FBXL7: variants seen among roughly 807,000 people sequenced by gnomAD.
FBXL7 encodes F-box and leucine rich repeat protein 7, also known as F-box/LRR-repeat protein 7.
A neutral mutation model predicts 38.3 loss-of-function variants in FBXL7; 12 were observed. That is an observed-to-expected ratio of 0.31 (90% confidence interval 0.20 to 0.51). FBXL7 has a LOEUF of 0.51. Among genes scored for constraint, FBXL7 ranks in the 20% least tolerant of loss-of-function variants. The pLI is 0.98. For missense variants in FBXL7, 567 were observed against 676.4 expected, an observed-to-expected ratio of 0.84 and a Z score of 1.79; for synonymous variants, 297 against 300.9, an observed-to-expected ratio of 0.99 and a Z score of 0.13.
chr5:15,851,654 C>G (rs1171139611), intron 2 of FBXL7, among the ~76,000 whole-genome samples: 2 of 152,184 alleles, frequency 1.3e-5, no homozygotes, highest in African/African-American at 4.8e-5. Context: ...TTCCATGTCT[C>G]TTTGCATTAT....
At chr5:15,675,368 ATAAACT>A (rs756963955) in intron 2 of FBXL7, among the ~76,000 whole-genome samples, 1 of 152,230 alleles carries the variant, frequency 6.6e-6, no homozygotes, top group Non-Finnish European at 1.5e-5. Context: ...TTACTGTCTG[ATAAACT>A]TTAACAAATA....
At chr5:15,694,113 CTGTGGGGTCG>C (rs1743261331) in intron 2 of FBXL7, among the ~76,000 whole-genome samples, 1 of 152,174 alleles carries the variant, frequency 6.6e-6, no homozygotes. Context: ...CTAGACGCTG[CTGTGGGGTCG>C]GAGCCCGTAC....
At chr5:15,554,375 CT>C (rs1299852322) in intron 1 of FBXL7, among the ~76,000 whole-genome samples, 1 of 152,156 alleles carries the variant, frequency 6.6e-6, no homozygotes, top group Admixed American at 6.5e-5. Context: ...AAAACTTGTG[CT>C]TCGATTTAGA....
At chr5:15,825,706 T>C (rs1738292448) in intron 2 of FBXL7, among the ~76,000 whole-genome samples, 1 of 152,232 alleles carries the variant, frequency 6.6e-6, no homozygotes, top group African/African-American at 2.4e-5. Context: ...GGCATTGTCA[T>C]CTGTTCCCTG....
At chr5:15,872,913 G>C (rs1740029801) in intron 2 of FBXL7, among the ~76,000 whole-genome samples, 1 of 151,860 alleles carries the variant, frequency 6.6e-6, no homozygotes. Flanking sequence ...CTTGAACTCA[G>C]CTCTGGACCA....
chr5:15,819,253 TCA>T (rs1738104689), intron 2 of FBXL7, among the ~76,000 whole-genome samples: 4 of 152,142 alleles, frequency 2.6e-5, no homozygotes, highest in African/African-American at 9.7e-5. Context: ...TCATTTGCTC[TCA>T]GGGATCCTGT....
chr5:15,922,887 C>T (rs1325116118), intron 2 of FBXL7, among the ~76,000 whole-genome samples: 9 of 152,116 alleles, frequency 5.9e-5, no homozygotes, highest in Non-Finnish European at 1.2e-4. Flanking sequence ...TATCATCTTA[C>T]TACTAAGATA....
chr5:15,804,481 A>G (rs753953887), intron 2 of FBXL7, among the ~76,000 whole-genome samples: 19 of 152,286 alleles, frequency 1.2e-4, no homozygotes, highest in Non-Finnish European at 2.4e-4. Context: ...AAATAAATAA[A>G]TAAATAATGA....
At chr5:15,653,704 T>G (rs114984490) in intron 2 of FBXL7, among the ~76,000 whole-genome samples, 47 of 152,308 alleles carry the variant, frequency 3.1e-4, no homozygotes, top group African/African-American at 1.0e-3. Flanking sequence ...TAAAAGAGAA[T>G]GATAAAATGT....
At chr5:15,730,150 A>T (rs566544897) in intron 2 of FBXL7, among the ~76,000 whole-genome samples, 1 of 151,762 alleles carries the variant, frequency 6.6e-6, no homozygotes, top group Admixed American at 6.6e-5. Flanking sequence ...ATGTAGAAGG[A>T]TAATAAATTT....
chr5:15,836,955 A>T lies in FBXL7; in HGVS notation c.128-90935A>T, dbSNP rs568642850. On this transcript the variant is annotated intron_variant, in intron 2 of 3. Coordinates refer to ENST00000504595, the MANE Select transcript of FBXL7 (RefSeq NM_012304.5). ...AGCTGTTGGCATCTTCTGCTACTTC[A>T]CTTATAAGTAAGCAGTGAAGCATCC... Among the ~76,000 whole-genome samples, 8 of 152,230 alleles carry T rather than the reference A, an allele frequency of 5.3e-5. No individual in the cohort carries two copies. In the South Asian group the frequency reaches 1.7e-3, roughly 32 times the overall value.
chr5:15,579,956 G>C (rs1416782564), intron 1 of FBXL7, among the ~76,000 whole-genome samples: 4 of 152,174 alleles, frequency 2.6e-5, no homozygotes, highest in Admixed American at 2.0e-4. Context: ...TTTTATGACA[G>C]CCTGGGAGGT....
chr5:15,649,350 T>A (rs997143544), intron 2 of FBXL7, among the ~76,000 whole-genome samples: 2 of 152,196 alleles, frequency 1.3e-5, no homozygotes, highest in African/African-American at 4.8e-5. Flanking sequence ...GGAAATCTAA[T>A]ATGCCTTCCT....
chr5:15,939,211 G>T lies in FBXL7; in HGVS notation c.*2025G>T. On this transcript the variant is annotated 3_prime_UTR_variant, in exon 4 of 4. Coordinates refer to ENST00000504595, the MANE Select transcript of FBXL7 (RefSeq NM_012304.5). ...TGCCATGGGGGAAATGAATCATTTAGCTAGGCCAGGATCTAGTGAAAGCCA... is the reference window on the plus strand; with the variant it reads ...TGCCATGGGGGAAATGAATCATTTATCTAGGCCAGGATCTAGTGAAAGCCA... 5.0e-6 allele frequency: 2 copies of T among 396,236 alleles called. No individual in the cohort carries two copies. The highest frequency in any genetic ancestry group is 8.9e-6 in the Non-Finnish European group (2 of 224,788). The allele number at this position is 396,236 out of a possible 1,614,324, so 24.5% of individuals were successfully genotyped here.
intron 2 of FBXL7, among the ~76,000 whole-genome samples, chr5:15,653,673 A>G (rs1330249418): frequency 6.6e-6 from 1 of 152,246 alleles, no homozygotes; most frequent in Non-Finnish European, 1.5e-5. Context: ...TAAAGACAAT[A>G]TGTAAAAGCC....
chr5:15,638,682 C>T (rs1025428646), intron 2 of FBXL7, among the ~76,000 whole-genome samples: 1 of 152,012 alleles, frequency 6.6e-6, no homozygotes, highest in Non-Finnish European at 1.5e-5. Context: ...GCAATAATGA[C>T]CTGTCACAAA....
chr5:15,845,675 A>G (rs980961227), intron 2 of FBXL7, among the ~76,000 whole-genome samples: 4 of 152,222 alleles, frequency 2.6e-5, no homozygotes, highest in African/African-American at 9.6e-5. Context: ...ACAAAATTGA[A>G]TTTAAAAATA....
chr5:15,583,533 T>C (rs1470755088), intron 1 of FBXL7, among the ~76,000 whole-genome samples: 6 of 152,110 alleles, frequency 3.9e-5, no homozygotes, highest in Non-Finnish European at 7.4e-5. Context: ...ATGGGAGAAA[T>C]TGGCCAAAAC....
chr5:15,855,363 A>G (rs1267390544), intron 2 of FBXL7, among the ~76,000 whole-genome samples: 1 of 152,168 alleles, frequency 6.6e-6, no homozygotes, highest in Non-Finnish European at 1.5e-5. Context: ...ATATATATAT[A>G]GAAATAACTC....
Sources: gnomAD v4.1 joint callset for allele counts (sites outside exome capture counted in the v4.1 genomes callset) on GRCh38, gnomAD v4.1.1 for gene constraint, MANE v1.5 for transcripts, NCBI Gene and HGNC (gene_info 2026-07-23, HGNC 2026-07-21) for gene names.